ZMYM5: variants seen among roughly 807,000 people sequenced by gnomAD.
ZMYM5 encodes the protein zinc finger MYM-type protein 5.
Under a neutral mutation model 61.8 loss-of-function variants are expected in ZMYM5, and 41 were observed. The observed-to-expected ratio is 0.66, with a 90% CI of 0.52 to 0.86. The LOEUF is 0.86. Among genes scored for constraint, ZMYM5 ranks in the 40% least tolerant of loss-of-function variants. ZMYM5 has a pLI of 0.00. For synonymous variants in ZMYM5, 257 were observed against 276.4 expected (o/e 0.93, Z 0.70); for missense variants, 706 against 786.7 (o/e 0.90, Z 1.23).
At chr13:19,825,804 G>T (rs1057259011) in intron 7 of ZMYM5, among the ~76,000 whole-genome samples, 11 of 152,106 alleles carry the variant, frequency 7.2e-5, no homozygotes, top group African/African-American at 2.7e-4. Flanking sequence ...ACTTTGGGAG[G>T]CCAAGGCGGG....
At chr13:19,836,471 C>G (rs964399758) in intron 6 of ZMYM5, among the ~76,000 whole-genome samples, 1 of 151,904 alleles carries the variant, frequency 6.6e-6, no homozygotes, top group Admixed American at 6.6e-5. Context: ...TTGATAGTGT[C>G]TCTTGCTTTA....
At chr13:19,836,233 C>T (rs755880118) in intron 6 of ZMYM5, among the ~76,000 whole-genome samples, 1 of 151,880 alleles carries the variant, frequency 6.6e-6, no homozygotes, top group Non-Finnish European at 1.5e-5. Context: ...TCAATAATAA[C>T]TTCCCTAAAG....
At chr13:19,857,652 G>C (rs937349036) in intron 2 of ZMYM5, among the ~76,000 whole-genome samples, 3 of 152,176 alleles carry the variant, frequency 2.0e-5, no homozygotes, top group Admixed American at 2.0e-4. Context: ...GGGAGGCCAA[G>C]GCAGGAGGAT....
intron 4 of ZMYM5, among the ~76,000 whole-genome samples, chr13:19,846,681 C>T (rs1395437877): frequency 1.3e-5 from 2 of 151,726 alleles, no homozygotes; most frequent in African/African-American, 4.8e-5. Context: ...GTTATTAATA[C>T]AAAGGTTAAA....
chr13:19,838,511 G>T (rs138222436), intron 5 of ZMYM5, among the ~76,000 whole-genome samples, 189 bp downstream of exon 5: 9 of 152,258 alleles, frequency 5.9e-5, no homozygotes, highest in Middle Eastern at 3.4e-3. Flanking sequence ...CCATTTTTCT[G>T]CCGAGAGTAA....
At chr13:19,855,268 C>CTT in intron 2 of ZMYM5, among the ~76,000 whole-genome samples, 1 of 145,516 alleles carries the variant, frequency 6.9e-6, no homozygotes, top group Non-Finnish European at 1.5e-5. Context: ...ACAGTATCTT[C>CTT]TTTTTTTTTT....
At chr13:19,828,960 C>T (rs1478382705) in intron 7 of ZMYM5, among the ~76,000 whole-genome samples, 11 of 151,966 alleles carry the variant, frequency 7.2e-5, no homozygotes, top group Admixed American at 7.2e-4. Flanking sequence ...ATTCCTATCA[C>T]CTAGCCGAGT....
In ZMYM5 at chr13:19,838,794, G is replaced by A. The variant is rs781463793; in HGVS notation, c.778C>T (p.Arg260Ter). 1.2e-5 allele frequency: 19 copies of A among 1,614,150 alleles called. No individual in the cohort carries two copies. The highest frequency in any genetic ancestry group is 6.7e-5 in the East Asian group (3 of 44,880). Reference protein sequence around the residue: ...PLQKGQTAYQRKGSAHLFCST... With the variant: ...PLQKGQTAYQ ...CAAAAGAGGTGAGCTGATCCTTTTC[G>A]TTGATAAGCTGTCTGTCCCTTCTGT... Residue 260 changes from arginine (R) to a stop codon, truncating the protein, a stop_gained, in exon 5 of 8, where the codon CGA (arginine) becomes TGA (stop). Coordinates refer to ENST00000337963, the MANE Select transcript of ZMYM5 (RefSeq NM_001142684.2). LOFTEE classifies it high-confidence loss of function.
At chr13:19,856,998 CG>C (rs1383398976) in intron 2 of ZMYM5, among the ~76,000 whole-genome samples, 3 of 151,800 alleles carry the variant, frequency 2.0e-5, no homozygotes, top group African/African-American at 7.3e-5. Flanking sequence ...CCCAGCTACT[CG>C]GGAGGCTGAG....
At chr13:19,837,972 T>A in intron 5 of ZMYM5, 151 bp from the exon 6 acceptor site, 1 of 872,166 alleles carries the variant, frequency 1.1e-6, no homozygotes, top group Admixed American at 3.6e-5. Context: ...ACTTTTGGCT[T>A]TATTGCCAAG....
At chr13:19,829,130 C>T (rs541578408) in intron 7 of ZMYM5, among the ~76,000 whole-genome samples, 1 of 151,886 alleles carries the variant, frequency 6.6e-6, no homozygotes, top group East Asian at 1.9e-4. Flanking sequence ...ACAAAAAAAA[C>T]CAGATACATT....
chr13:19,850,193 A>G (rs974690111), intron 4 of ZMYM5, among the ~76,000 whole-genome samples: 1 of 152,216 alleles, frequency 6.6e-6, no homozygotes, highest in African/African-American at 2.4e-5. Flanking sequence ...TTATGTTTTA[A>G]TTATATCAGA....
chr13:19,824,402 C>G lies in ZMYM5; in HGVS notation c.*75G>C. On this transcript the variant is annotated 3_prime_UTR_variant, in exon 8 of 8. Coordinates refer to ENST00000337963, the MANE Select transcript of ZMYM5 (RefSeq NM_001142684.2). ...AGAGGAGACTTACAACACAATAGTA[C>G]TGACTATTGCAGGACAGATGTTTTC... 3 of 1,198,296 alleles carry G rather than the reference C, an allele frequency of 2.5e-6. No individual in the cohort carries two copies. The highest frequency in any genetic ancestry group is 3.2e-6 in the Non-Finnish European group (3 of 940,906). 74.2% of individuals were successfully genotyped at this position (1,198,296 alleles called of 1,614,324 possible). A position where few individuals can be genotyped will look rare whatever the true frequency, so the allele number is the denominator to read the frequency against.
rs775130626 is a variant in ZMYM5, at chr13:19,824,492, C to T, written c.1995G>A (p.Leu665=). Residue 665 remains leucine, a synonymous_variant, in exon 8 of 8, where the codon CTG becomes CTA. Transcript: ENST00000337963. ...CTCAGGTATATTACGTGTACAACAA[C>T]AGCACACCATCATTTTTCTCATTTT... ...LYENEKNDGV[L]LLYT The T allele has an allele frequency of 3.1e-6, 4 of 1,306,946 alleles. No individual in the cohort carries two copies. Among genetic ancestry groups the T allele is most frequent in the East Asian group, 9.2e-5 (2 of 21,698 alleles). 81.0% of individuals were successfully genotyped at this position (1,306,946 alleles called of 1,614,324 possible).
intron 7 of ZMYM5, among the ~76,000 whole-genome samples, chr13:19,832,396 G>A (rs530229074): frequency 6.6e-5 from 10 of 151,222 alleles, no homozygotes; most frequent in African/African-American, 2.2e-4. Context: ...GCATGATCTC[G>A]GCCCACTGCA....
At chr13:19,836,303 G>A (rs988219498) in intron 6 of ZMYM5, among the ~76,000 whole-genome samples, 3 of 146,556 alleles carry the variant, frequency 2.0e-5, no homozygotes, top group African/African-American at 7.6e-5. Flanking sequence ...TTTTTGCTAT[G>A]TTGCCCTGGG....
intron 6 of ZMYM5, among the ~76,000 whole-genome samples, chr13:19,836,358 A>C (rs928555612): frequency 2.0e-5 from 3 of 151,882 alleles, no homozygotes; most frequent in Non-Finnish European, 4.4e-5. Context: ...ATGCCTCCTG[A>C]ATAGCCCAGA....
intron 2 of ZMYM5, among the ~76,000 whole-genome samples, chr13:19,853,134 G>A (rs868776128): frequency 6.6e-6 from 1 of 152,226 alleles, no homozygotes. Context: ...TTACAGGCAT[G>A]AGCCATGGTA....
chr13:19,850,063 C>G (rs1953229831), intron 4 of ZMYM5, among the ~76,000 whole-genome samples: 1 of 151,920 alleles, frequency 6.6e-6, no homozygotes, highest in African/African-American at 2.4e-5. Flanking sequence ...CAGTACTTTC[C>G]TAAAATTCAA....
Sources: gnomAD v4.1 joint callset for allele counts (sites outside exome capture counted in the v4.1 genomes callset) on GRCh38, gnomAD v4.1.1 for gene constraint, MANE v1.5 for transcripts, NCBI Gene and HGNC (gene_info 2026-07-23, HGNC 2026-07-21) for gene names.